NHLH2: variants seen among roughly 807,000 people sequenced by gnomAD.
NHLH2 encodes nescient helix-loop-helix 2.
A neutral mutation model predicts 7.3 loss-of-function variants in NHLH2; 7 were observed. The observed-to-expected ratio is 0.96, with a 90% confidence interval of 0.55 to 1.81. The LOEUF is 1.81. Ranked by LOEUF, NHLH2 falls within the 40% of genes most tolerant of loss-of-function variation. The probability of loss-of-function intolerance (pLI) is 0.00; values close to 1 mark genes in which losing one functional copy is unlikely to be tolerated. For missense variants in NHLH2, 155 were observed against 194.0 expected, an observed-to-expected ratio of 0.80 and a Z score of 1.19; for synonymous variants, 93 against 91.6, an observed-to-expected ratio of 1.01 and a Z score of -0.09.
downstream of NHLH2, among the ~76,000 whole-genome samples, chr1:115,832,952 T>C (rs1650785996): frequency 6.6e-6 from 1 of 151,960 alleles, no homozygotes; most frequent in East Asian, 1.9e-4. Context: ...TCTGGGGAAG[T>C]GAGGAAACCG....
Position 115,838,390 on chromosome 1 carries a change from G to C in NHLH2, c.-8-10C>G, listed in dbSNP as rs1199908421. 3.7e-6 allele frequency: 6 copies of C among 1,607,728 alleles called. No individual in the cohort carries two copies. Among genetic ancestry groups the C allele is most frequent in the South Asian group, 2.2e-5 (2 of 90,668 alleles). On this transcript the variant is annotated splice_polypyrimidine_tract_variant and intron_variant, in intron 2 of 2. Transcript: ENST00000320238. ...AGCATCATTTTGGAGGCTGAGGAGG[G>C]GTCGGAAAATTAATCAGTAAAAGGA...
Position 115,837,687 on chromosome 1 carries a change from G to GC in NHLH2, c.*277dup. On this transcript the variant is annotated 3_prime_UTR_variant, in exon 3 of 3. Coordinates refer to ENST00000320238, the MANE Select transcript of NHLH2 (RefSeq NM_005599.3). ...CAACCCTTGGGGAGCCCCAGAAGTG[G>GC]CTCATCTCGGGTGTCTCCACGAGGT... 1 of 450,756 alleles carries GC rather than the reference G, an allele frequency of 2.2e-6. No homozygotes were observed. The highest frequency in any genetic ancestry group is 3.9e-6 in the Non-Finnish European group (1 of 255,568). 27.9% of individuals were successfully genotyped at this position (450,756 alleles called of 1,614,324 possible).
chr1:115,840,807 A>G (rs1651053141), intron 1 of NHLH2, 141 bp downstream of exon 1: 1 of 164,360 alleles, frequency 6.1e-6, no homozygotes, highest in African/African-American at 2.4e-5. Flanking sequence ...CCAGGAACAC[A>G]ATACTGTAAC....
In NHLH2 at chr1:115,837,975, A is replaced by T; in HGVS notation, c.398T>A (p.Leu133Gln). Residue 133 changes from leucine to glutamine, a missense_variant, in exon 3 of 3, where the codon CTG (leucine) becomes CAG (glutamine). Leu to Gln is a moderately radical substitution (Grantham distance 113). Transcript: ENST00000320238. Reference sequence around the variant, plus strand: ...GCGGCGCACCCCGCCCTACACGTCCAGGACGTGGTTGAGATAGGAGATGTA... The same window carrying T: ...GCGGCGCACCCCGCCCTACACGTCCTGGACGTGGTTGAGATAGGAGATGTA... The part of the protein sequence containing the change: ...ICYISYLNHV[L>Q]DV 1.2e-6 allele frequency: 2 copies of T among 1,601,810 alleles called. No individual in the cohort carries two copies. The highest frequency in any genetic ancestry group is 1.7e-6 in the Non-Finnish European group (2 of 1,175,336).
chr1:115,838,181 G>A lies in NHLH2; in HGVS notation c.192C>T (p.Ser64=). Residue 64 remains serine (S), a synonymous_variant, in exon 3 of 3, where the codon AGC becomes AGT. Transcript: ENST00000320238. ...GCCGGCGGCGGCGCTTCTCCTCGCG[G>A]CTCAGCTGCTGCGGGTGCGGGTAGA... ...AALYPHPQQL[S]REEKRRRRRA... is the part of the protein sequence containing the mutation. 2 of 1,574,514 alleles carry A rather than the reference G, an allele frequency of 1.3e-6. No individual in the cohort carries two copies. The highest frequency in any genetic ancestry group is 2.3e-5 in the South Asian group (2 of 87,150).
chr1:115,839,719 T>A (rs1057250194), intron 2 of NHLH2: 1 of 166,608 alleles, frequency 6.0e-6, no homozygotes, highest in Non-Finnish European at 1.5e-5. Flanking sequence ...ACGGGAGAAA[T>A]CCGCGTCGGC....
chr1:115,833,531 T>C (rs952177626), downstream of NHLH2, among the ~76,000 whole-genome samples: 3 of 152,138 alleles, frequency 2.0e-5, no homozygotes, highest in African/African-American at 7.2e-5. Flanking sequence ...AGGACAACTC[T>C]AGAGGATGAT....
chr1:115,831,724 C>T (rs920213179), downstream of NHLH2, among the ~76,000 whole-genome samples: 2 of 151,900 alleles, frequency 1.3e-5, no homozygotes, highest in African/African-American at 4.8e-5. Flanking sequence ...AGTTCAAGAC[C>T]AGCCTGGCCA....
rs1250388192 is a variant in NHLH2 at position 115,836,438 on chromosome 1, G to A, written c.*1527C>T. Reference sequence around the variant, plus strand: ...ACCATTCATGAGATATGAAAAACTCGTCAGATAGAAACCAGATTATATCTA... The same window carrying A: ...ACCATTCATGAGATATGAAAAACTCATCAGATAGAAACCAGATTATATCTA... On this transcript the variant is annotated 3_prime_UTR_variant, in exon 3 of 3. Coordinates refer to ENST00000320238, the MANE Select transcript of NHLH2 (RefSeq NM_005599.3). 3 of 152,372 alleles carry A rather than the reference G, an allele frequency of 2.0e-5. No homozygotes were observed. Among genetic ancestry groups the A allele is most frequent in the South Asian group, 2.1e-4 (1 of 4,816 alleles). The allele number at this position is 152,372 out of a possible 1,614,324, so 9.4% of individuals were successfully genotyped here.
At chr1:115,833,111 G>A (rs868318872), downstream of NHLH2, among the ~76,000 whole-genome samples, 1 of 152,172 alleles carries the variant, frequency 6.6e-6, no homozygotes, top group African/African-American at 2.4e-5. Flanking sequence ...AGGATGGCAC[G>A]CTAATTTTTA....
At position 115,838,152 on chromosome 1, in the gene NHLH2, G is replaced by T; in HGVS notation, c.221C>A (p.Ala74Asp). Residue 74 changes from alanine (A) to aspartate (D), a missense_variant, in exon 3 of 3, where the codon GCC becomes GAC. Ala to Asp is a moderately radical substitution (Grantham distance 126, BLOSUM62 -2). Around this residue, in one of 2 missense-constraint regions of NHLH2, gnomAD observed 64 missense variants for 107.4 expected, o/e 0.60. Transcript: ENST00000320238. ...GTGGGCCGAGCGGTACTTGGCCGTG[G>T]CGCGCCGGCGGCGGCGCTTCTCCTC... ...SREEKRRRRR[A>D]TAKYRSAHAT... 6.3e-7 allele frequency: 1 copy of T among 1,591,016 alleles called. No individual in the cohort carries two copies. Among genetic ancestry groups the T allele is most frequent in the Non-Finnish European group, 8.5e-7 (1 of 1,170,116 alleles).
At position 115,837,814 on chromosome 1, in the gene NHLH2, G is replaced by GAAC. The variant is rs1278121484; in HGVS notation, c.*148_*150dup. Reference sequence around the variant, plus strand: ...CCCTCGTCGCCCTGCTGACCAGAGAGAACAGGTAGCGAGCTTCTTCCCCGG... The same window carrying GAAC: ...CCCTCGTCGCCCTGCTGACCAGAGAGAACAACAGGTAGCGAGCTTCTTCCCCGG... On this transcript the variant is annotated 3_prime_UTR_variant, in exon 3 of 3. Transcript: ENST00000320238. 1 of 831,812 alleles carries GAAC rather than the reference G, an allele frequency of 1.2e-6. No individual in the cohort carries two copies. Among genetic ancestry groups the GAAC allele is most frequent in the East Asian group, 3.1e-5 (1 of 31,994 alleles). 51.5% of individuals were successfully genotyped at this position (831,812 alleles called of 1,614,324 possible). A position where few individuals can be genotyped will look rare whatever the true frequency, so the allele number is the denominator to read the frequency against.
At chr1:115,838,465 C>G in intron 2 of NHLH2, 85 bp from the exon 3 acceptor site, 10 of 1,472,676 alleles carry the variant, frequency 6.8e-6, no homozygotes, top group Non-Finnish European at 9.3e-6. Flanking sequence ...CCACGCCGGT[C>G]CTCCCAGCGG....
At position 115,837,031 on chromosome 1, in the gene NHLH2, A is replaced by G. The variant is rs1650889331; in HGVS notation, c.*934T>C. On this transcript the variant is annotated 3_prime_UTR_variant, in exon 3 of 3. Transcript: ENST00000320238. ...GTTAGACATAATTATTCCACAGGAA[A>G]AAGTGTAAACACTTGACTATAAATA... The G allele has an allele frequency of 6.6e-6, 1 of 152,454 alleles. No homozygotes were observed. Among genetic ancestry groups the G allele is most frequent in the African/African-American group, 2.4e-5 (1 of 41,420 alleles). 9.4% of individuals were successfully genotyped at this position (152,454 alleles called of 1,614,324 possible).
rs1650922440 is a variant in NHLH2 at position 115,837,870 on chromosome 1, C to A, written c.*95G>T. ...TCTCGAGGCGGCCGTCTCGCTGGGC[C>A]ACCGCAGCCTCCGCCACCCGAGCGA... On this transcript the variant is annotated 3_prime_UTR_variant, in exon 3 of 3. Coordinates refer to ENST00000320238, the MANE Select transcript of NHLH2 (RefSeq NM_005599.3). The A allele has an allele frequency of 9.5e-6, 13 of 1,361,296 alleles. No homozygotes were observed. Among genetic ancestry groups the A allele is most frequent in the Non-Finnish European group, 2.0e-6 (2 of 1,018,588 alleles). The allele number at this position is 1,361,296 out of a possible 1,614,324, so 84.3% of individuals were successfully genotyped here.
At chr1:115,834,956 A>G (rs565310286), downstream of NHLH2, among the ~76,000 whole-genome samples, 10 of 152,296 alleles carry the variant, frequency 6.6e-5, no homozygotes, top group African/African-American at 2.2e-4. Flanking sequence ...TGCTCAGGGA[A>G]TGAGCCAGTC....
chr1:115,837,927 G>A lies in NHLH2; in HGVS notation c.*38C>T, dbSNP rs779168579. 5.7e-6 allele frequency: 9 copies of A among 1,574,924 alleles called. No homozygotes were observed. The highest frequency in any genetic ancestry group is 7.7e-6 in the Non-Finnish European group (9 of 1,163,052). On this transcript the variant is annotated 3_prime_UTR_variant, in exon 3 of 3. Transcript: ENST00000320238. ...CCGTCCGGATCCGTAGCGTTTCGCG[G>A]ACGCCGGGACAGGCGGCCCCCCGCG...
rs1650927872 is a variant in NHLH2, at chr1:115,838,007, G to A, written c.366C>T (p.Ala122=). The A allele has an allele frequency of 1.2e-6, 2 of 1,610,492 alleles. No individual in the cohort carries two copies. Among genetic ancestry groups the A allele is most frequent in the African/African-American group, 1.3e-5 (1 of 74,074 alleles). The change falls in exon 3 of 3, where the codon GCC becomes GCT. Residue 122 remains alanine, a synonymous_variant. Coordinates refer to ENST00000320238, the MANE Select transcript of NHLH2 (RefSeq NM_005599.3). ...GGTTGAGATAGGAGATGTAGCAGATGGCCAGGCGCAGGATCTCGATCTTGG... is the reference window on the plus strand; with the variant it reads ...GGTTGAGATAGGAGATGTAGCAGATAGCCAGGCGCAGGATCTCGATCTTGG... ...KLSKIEILRL[A]ICYISYLNHV...
rs1651064203 is a variant in NHLH2, at chr1:115,841,053, G to C, written c.-443C>G. 1 of 167,226 alleles carries C rather than the reference G, an allele frequency of 6.0e-6. No homozygotes were observed. Among genetic ancestry groups the C allele is most frequent in the Non-Finnish European group, 1.5e-5 (1 of 68,136 alleles). 10.4% of individuals were successfully genotyped at this position (167,226 alleles called of 1,614,324 possible). On this transcript the variant is annotated 5_prime_UTR_variant, in exon 1 of 3. Coordinates refer to ENST00000320238, the MANE Select transcript of NHLH2 (RefSeq NM_005599.3). Reference sequence around the variant, plus strand: ...CAGTGACAAGGAAGCAGAGAAAGACGGGAAGAGGGTGGGAGAGCCAGAGCA... The same window carrying C: ...CAGTGACAAGGAAGCAGAGAAAGACCGGAAGAGGGTGGGAGAGCCAGAGCA...
Sources: allele counts gnomAD v4.1 joint callset (sites outside exome capture counted in the v4.1 genomes callset), GRCh38; gene constraint gnomAD v4.1.1; regional missense constraint gnomAD v4.1.1; transcripts MANE v1.5; gene names NCBI Gene and HGNC (gene_info 2026-07-23, HGNC 2026-07-21).